Variants in MROH2B observed in about 807,000 individuals in gnomAD.
The protein encoded by MROH2B is maestro heat like repeat family member 2B, also known as maestro heat-like repeat-containing protein family member 2B.
MROH2B carries 177 observed loss-of-function variants against 208.6 expected under a neutral mutation model. The observed-to-expected ratio is 0.85, with a 90% CI of 0.75 to 0.96. MROH2B has a LOEUF of 0.96. Among genes scored for constraint, MROH2B ranks in the 40% least tolerant of loss-of-function variants. The probability of loss-of-function intolerance (pLI) is 0.00; values close to 1 mark genes in which losing one functional copy is unlikely to be tolerated. For synonymous variants in MROH2B, 728 were observed against 659.0 expected, an observed-to-expected ratio of 1.10 and a Z score of -1.60; for missense variants, 2,002 against 1,878.7, an observed-to-expected ratio of 1.07 and a Z score of -1.21.
chr5:40,998,936 T>C (rs1195585591), intron 40 of MROH2B, among the ~76,000 whole-genome samples: 1 of 152,202 alleles, frequency 6.6e-6, no homozygotes, highest in Admixed American at 6.5e-5. Flanking sequence ...GGCTAGTTGT[T>C]GTTGGGATTT....
At chr5:41,064,780 G>A (rs1474684337) in intron 4 of MROH2B, among the ~76,000 whole-genome samples, 1 of 152,148 alleles carries the variant, frequency 6.6e-6, no homozygotes, top group African/African-American at 2.4e-5. Flanking sequence ...TGAAAATAAG[G>A]TTCTAGCTAC....
At chr5:41,005,675 A>G in intron 34 of MROH2B, 30 bp from the exon 35 acceptor site, 1 of 1,529,526 alleles carries the variant, frequency 6.5e-7, no homozygotes. Context: ...GCAGAGACAT[A>G]TTTTACTAAA....
At position 41,052,389 on chromosome 5, in the gene MROH2B, A is replaced by G. The variant is rs1176451054; in HGVS notation, c.1230+76T>C. 2.9e-6 allele frequency: 4 copies of G among 1,381,092 alleles called. No individual in the cohort carries two copies. In the East Asian group the frequency reaches 7.8e-5, roughly 27 times the overall value. The allele number at this position is 1,381,092 out of a possible 1,614,324, so 85.6% of individuals were successfully genotyped here. On this transcript the variant is annotated intron_variant, in intron 12 of 41. Coordinates refer to ENST00000399564, the MANE Select transcript of MROH2B (RefSeq NM_173489.5). ...CTGTGACAGATTAAGGATCCTAATCATTTTTTAAAAAGAAACATAGTTGAG... is the reference window on the plus strand; with the variant it reads ...CTGTGACAGATTAAGGATCCTAATCGTTTTTTAAAAAGAAACATAGTTGAG...
In MROH2B at chr5:41,004,427, T is replaced by A. The variant is rs760043686; in HGVS notation, c.4113A>T (p.Lys1371Asn). Residue 1371 changes from lysine (K) to asparagine (N), a missense_variant, in exon 37 of 42, where the codon AAA becomes AAT. Transcript: ENST00000399564. ...CTCGGTCTGTCAGCAGCTCCAGGATTTTTTTTAGAGCCTTCAAGCTTTCAC... is the reference window on the plus strand; with the variant it reads ...CTCGGTCTGTCAGCAGCTCCAGGATATTTTTTAGAGCCTTCAAGCTTTCAC... ...VVCESLKALKKILELLTDRDV... is the reference protein window; with the variant it reads ...VVCESLKALKNILELLTDRDV... 4.3e-6 allele frequency: 7 copies of A among 1,613,992 alleles called. No individual in the cohort carries two copies. The South Asian group carries it at 6.6e-5, about 15-fold the overall frequency.
chr5:41,025,582 T>C (rs9764043), intron 24 of MROH2B, among the ~76,000 whole-genome samples: 23,038 of 152,114 alleles, frequency 0.15, 1,825 homozygotes, highest in East Asian at 0.26. Context: ...CCAGATGGAT[T>C]CACAGCCGAA....
chr5:41,056,990 A>AGT, intron 9 of MROH2B, 119 bp downstream of exon 9: 2 of 1,005,142 alleles, frequency 2.0e-6, no homozygotes, highest in Non-Finnish European at 1.5e-6. Context: ...CTAAAGAAAC[A>AGT]GTGTGTGTGT....
intron 21 of MROH2B, 133 bp downstream of exon 21, chr5:41,038,603 A>G: frequency 1.2e-6 from 1 of 812,206 alleles, no homozygotes; most frequent in South Asian, 2.4e-5. Context: ...CATTTACTGT[A>G]TTAGTCTGTT....
In MROH2B at chr5:41,000,141, G is replaced by A. The variant is rs1376177; in HGVS notation, c.4482+79C>T. ...TTCTGGCTCTGGCCAGAAATTCCTT[G>A]CTACATTGTTTGCCCTTCTGCGATT... is the stretch of plus-strand genomic sequence containing the variant. On this transcript the variant is annotated intron_variant, in intron 39 of 41. Transcript: ENST00000399564. 610,744 of 1,559,500 alleles carry A rather than the reference G, an allele frequency of 0.39. 121,302 individuals are homozygous for A. Among genetic ancestry groups the A allele is most frequent in the Non-Finnish European group, 0.41 (467,005 of 1,151,248 alleles).
rs1182911981 is a variant in MROH2B at position 41,008,806 on chromosome 5, AG to A, written c.3421-14del. Reference sequence around the variant, plus strand: ...TAGCACAGGCCACCTGAGGGGAGAAAGGGCCTCTTGGTCAGGCAGTCTCATT... The same window carrying A: ...TAGCACAGGCCACCTGAGGGGAGAAAGGCCTCTTGGTCAGGCAGTCTCATT... On this transcript the variant is annotated splice_polypyrimidine_tract_variant and intron_variant, in intron 32 of 41. Transcript: ENST00000399564. 1 of 1,601,600 alleles carries A rather than the reference AG, an allele frequency of 6.2e-7. No homozygotes were observed. Among genetic ancestry groups the A allele is most frequent in the South Asian group, 1.1e-5 (1 of 89,710 alleles).
intron 11 of MROH2B, 149 bp downstream of exon 11, chr5:41,054,618 C>T (rs958099985): frequency 1.2e-5 from 6 of 508,940 alleles, no homozygotes; most frequent in African/African-American, 3.9e-5. Flanking sequence ...TGAAGTTTAT[C>T]TCTTTGGAAA....
intron 4 of MROH2B, among the ~76,000 whole-genome samples, chr5:41,064,849 A>G (rs564422322): frequency 6.6e-6 from 1 of 152,328 alleles, no homozygotes; most frequent in Admixed American, 6.5e-5. Flanking sequence ...AGCTATGCTC[A>G]CCACTATACC....
At position 41,042,219 on chromosome 5, in the gene MROH2B, AAAGAT is replaced by A. The variant is rs150250285; in HGVS notation, c.1837-16_1837-12del. 0.047 allele frequency: 69,410 copies of A among 1,470,694 alleles called. 1,901 individuals are homozygous for A. Among genetic ancestry groups the A allele is most frequent in the Middle Eastern group, 0.084 (486 of 5,812 alleles). The allele number at this position is 1,470,694 out of a possible 1,614,324, so 91.1% of individuals were successfully genotyped here. ...TTTCCAAAGGAATTTCTGGAAAACA[AAAGAT>A]AAGCAACAGGATTTTAAGGGTTGGA... On this transcript the variant is annotated splice_polypyrimidine_tract_variant and intron_variant, in intron 18 of 41. Transcript: ENST00000399564.
At chr5:41,038,675 G>T in intron 21 of MROH2B, 61 bp downstream of exon 21, 1 of 1,515,294 alleles carries the variant, frequency 6.6e-7, no homozygotes, top group South Asian at 1.3e-5. Flanking sequence ...CAGGGACTGA[G>T]CCCCTGCAAG....
chr5:41,037,104 G>T (rs1742790555), intron 21 of MROH2B, among the ~76,000 whole-genome samples: 1 of 151,946 alleles, frequency 6.6e-6, no homozygotes, highest in South Asian at 2.1e-4. Context: ...GGGACTAATG[G>T]TATGTACCAC....
rs1164714903 is a variant in MROH2B, at chr5:41,057,322, G to A, written c.795C>T (p.Asp265=). ...TTCTCAAGCTCCTTGGAAGGCCAAT[G>A]TCATAAAGAACTGCTGCAGTCAGTA... ...KQILTAAVLY[D]IGLPRSLRRS... Residue 265 remains aspartate, a synonymous_variant, in exon 8 of 42, where the codon GAC becomes GAT. Transcript: ENST00000399564. 3 of 1,589,208 alleles carry A rather than the reference G, an allele frequency of 1.9e-6. No individual in the cohort carries two copies. The highest frequency in any genetic ancestry group is 2.6e-6 in the Non-Finnish European group (3 of 1,166,790).
intron 24 of MROH2B, among the ~76,000 whole-genome samples, chr5:41,025,552 C>T (rs1477714392): frequency 6.6e-6 from 1 of 151,958 alleles, no homozygotes; most frequent in Non-Finnish European, 1.5e-5. Context: ...AATAGCTTAC[C>T]AACCAAAAAA....
rs1451240463 is a variant in MROH2B at position 41,050,961 on chromosome 5, A to G, written c.1344+16T>C. 1 of 1,513,016 alleles carries G rather than the reference A, an allele frequency of 6.6e-7. No homozygotes were observed. The highest frequency in any genetic ancestry group is 1.4e-5 in the African/African-American group (1 of 70,684). 93.7% of individuals were successfully genotyped at this position (1,513,016 alleles called of 1,614,324 possible). ...GTGATCAAAGTAACTGTAAGTGGTGACAAAAGACCACTTACCTGAGGCATT... is the reference window on the plus strand; with the variant it reads ...GTGATCAAAGTAACTGTAAGTGGTGGCAAAAGACCACTTACCTGAGGCATT... On this transcript the variant is annotated intron_variant, in intron 13 of 41. Coordinates refer to ENST00000399564, the MANE Select transcript of MROH2B (RefSeq NM_173489.5).
At position 41,005,609 on chromosome 5, in the gene MROH2B, G is replaced by A. The variant is rs1374080467; in HGVS notation, c.3786C>T (p.Asp1262=). The A allele has an allele frequency of 1.9e-6, 3 of 1,612,292 alleles. No homozygotes were observed. The highest frequency in any genetic ancestry group is 1.1e-5 in the South Asian group (1 of 90,390). Reference sequence around the variant, plus strand: ...GAGATGAGAGCAGCTGTTCCATGATGTCCAGTATGACTCCGTGTTGCCACA... The same window carrying A: ...GAGATGAGAGCAGCTGTTCCATGATATCCAGTATGACTCCGTGTTGCCACA... ...MAVWQHGVIL[D]IMEQLLSSLT... Residue 1262 remains aspartate, a synonymous_variant, in exon 35 of 42, where the codon GAC becomes GAT. Coordinates refer to ENST00000399564, the MANE Select transcript of MROH2B (RefSeq NM_173489.5).
chr5:41,051,876 G>T (rs1044725738), intron 12 of MROH2B, among the ~76,000 whole-genome samples: 1 of 152,148 alleles, frequency 6.6e-6, no homozygotes, highest in East Asian at 1.9e-4. Context: ...TCAGCATACA[G>T]CTTTTTCTCA....
Sources: allele counts gnomAD v4.1 joint callset (sites outside exome capture counted in the v4.1 genomes callset), GRCh38; gene constraint gnomAD v4.1.1; transcripts MANE v1.5; gene names NCBI Gene and HGNC (gene_info 2026-07-23, HGNC 2026-07-21).